The following PITPNC1 variants were observed in gnomAD, a reference collection of about 807,000 sequenced individuals.
The protein encoded by PITPNC1 is phosphatidylinositol transfer protein cytoplasmic 1.
In PITPNC1, 18 loss-of-function variants were observed where a neutral mutation model predicts 44.7. The ratio of observed to expected loss-of-function variants is 0.40; its 90% CI spans 0.28 to 0.60. The LOEUF (loss-of-function observed/expected upper bound fraction) is 0.60. Among genes scored for constraint, PITPNC1 ranks in the 20% least tolerant of loss-of-function variants. The pLI, the probability that PITPNC1 is intolerant of heterozygous loss-of-function variation, is 0.39. For synonymous variants in PITPNC1, 141 were observed against 149.6 expected (o/e 0.94, Z 0.42); for missense variants, 290 against 418.4 (o/e 0.69, Z 2.68).
chr17:67,526,656 TG>T (rs1450878839), intron 1 of PITPNC1, among the ~76,000 whole-genome samples: 4 of 150,234 alleles, frequency 2.7e-5, no homozygotes, highest in Non-Finnish European at 5.9e-5. Flanking sequence ...TCCTTGAACC[TG>T]GGGGGCAGAG....
At chr17:67,551,059 TCAAAA>T (rs955244220) in intron 2 of PITPNC1, among the ~76,000 whole-genome samples, 23 of 152,034 alleles carry the variant, frequency 1.5e-4, no homozygotes, top group East Asian at 1.9e-4. Context: ...AGACTCCGTG[TCAAAA>T]CAAAACAAAA....
At chr17:67,543,470 T>A (rs1352276686) in intron 2 of PITPNC1, among the ~76,000 whole-genome samples, 1 of 152,214 alleles carries the variant, frequency 6.6e-6, no homozygotes, top group African/African-American at 2.4e-5. Context: ...ACATAATCAC[T>A]GACGCTTGCT....
chr17:67,693,934 T>C lies in PITPNC1; in HGVS notation c.*1046T>C, dbSNP rs2042970555. On this transcript the variant is annotated 3_prime_UTR_variant, in exon 9 of 9. Transcript: ENST00000581322. ...CCTACCACCAGACCTTAGAAAAGAC[T>C]GTCATTCTCTTGCTCCTTACTTGAA... The C allele has an allele frequency of 6.6e-6, 1 of 152,190 alleles. No individual in the cohort carries two copies. Among genetic ancestry groups the C allele is most frequent in the Non-Finnish European group, 1.5e-5 (1 of 68,008 alleles). 9.4% of individuals were successfully genotyped at this position (152,190 alleles called of 1,614,324 possible). A position where few individuals can be genotyped will look rare whatever the true frequency, so the allele number is the denominator to read the frequency against.
intron 1 of PITPNC1, among the ~76,000 whole-genome samples, chr17:67,530,017 C>T (rs2040439881): frequency 6.6e-6 from 1 of 151,024 alleles, no homozygotes; most frequent in Non-Finnish European, 1.5e-5. Context: ...ATCAAAGTGT[C>T]AGCAGGCTTG....
intron 1 of PITPNC1, among the ~76,000 whole-genome samples, chr17:67,429,751 C>A (rs1046909092): frequency 6.6e-6 from 1 of 150,574 alleles, no homozygotes; most frequent in Admixed American, 6.6e-5. Flanking sequence ...TTCTTTTATT[C>A]ATTTGTCATT....
At chr17:67,456,885 C>T (rs2039261130) in intron 1 of PITPNC1, 1 of 152,200 alleles carries the variant, frequency 6.6e-6, no homozygotes. Context: ...TCTTTGTCCT[C>T]ATCTTTCAAT....
intron 5 of PITPNC1, among the ~76,000 whole-genome samples, chr17:67,581,072 C>T (rs138368143): frequency 2.0e-5 from 3 of 152,280 alleles, no homozygotes; most frequent in Non-Finnish European, 2.9e-5. Context: ...AGAGGGGACA[C>T]GTGGCCTCAC....
At position 67,633,676 on chromosome 17, in the gene PITPNC1, C is replaced by T. The variant is rs553528086; in HGVS notation, c.462+1438C>T. On this transcript the variant is annotated intron_variant, in intron 6 of 8. Transcript: ENST00000581322. ...CCGAAGAGGGAAATAAACAGGGCCA[C>T]TGACCTTCCCCTTGTCTCACTCCAC... 3.3e-5 allele frequency among the ~76,000 whole-genome samples: 5 copies of T among 152,400 alleles called. No homozygotes were observed. In the East Asian group the frequency reaches 7.7e-4, roughly 23 times the overall value.
chr17:67,621,268 C>T (rs1418099954), intron 5 of PITPNC1, among the ~76,000 whole-genome samples: 1 of 147,604 alleles, frequency 6.8e-6, no homozygotes, highest in East Asian at 2.0e-4. Flanking sequence ...AGTGCAATGG[C>T]GCGATCTCAG....
chr17:67,594,576 G>A (rs543465457), intron 5 of PITPNC1, among the ~76,000 whole-genome samples: 70 of 152,326 alleles, frequency 4.6e-4, no homozygotes, highest in African/African-American at 1.7e-3. Context: ...CTGCTTGGAG[G>A]TTGGGGATTC....
intron 1 of PITPNC1, among the ~76,000 whole-genome samples, chr17:67,495,499 C>T (rs1270658187): frequency 6.6e-6 from 1 of 152,102 alleles, no homozygotes; most frequent in Non-Finnish European, 1.5e-5. Context: ...GCCTAGTAGC[C>T]AGTAGATACG....
At chr17:67,640,954 C>T (rs541515231) in intron 6 of PITPNC1, among the ~76,000 whole-genome samples, 1 of 152,126 alleles carries the variant, frequency 6.6e-6, no homozygotes, top group Non-Finnish European at 1.5e-5. Flanking sequence ...CACACCATTG[C>T]AGTCCAGGCT....
At chr17:67,473,811 T>C (rs2039586178) in intron 1 of PITPNC1, among the ~76,000 whole-genome samples, 3 of 152,164 alleles carry the variant, frequency 2.0e-5, no homozygotes. Flanking sequence ...AGTTTGCCCA[T>C]GAACTTAACA....
intron 1 of PITPNC1, among the ~76,000 whole-genome samples, chr17:67,399,515 C>T (rs1461342117): frequency 1.3e-5 from 2 of 152,052 alleles, no homozygotes; most frequent in East Asian, 1.9e-4. Flanking sequence ...ATTTTGAACT[C>T]GAATAAGAAA....
In PITPNC1 at chr17:67,597,807, G is replaced by A. The variant is rs2041479406; in HGVS notation, c.366+19550G>A. On this transcript the variant is annotated intron_variant, in intron 5 of 8. Coordinates refer to ENST00000581322, the MANE Select transcript of PITPNC1 (RefSeq NM_012417.4). The surrounding 1 kb of genome is among the most constrained non-coding windows in gnomAD (Gnocchi z 4.0). Reference sequence around the variant, plus strand: ...CTCTATGGAGAACACATGCTAGAGGGTGAGAATGGGTAGACAGGCAAGATC... The same window carrying A: ...CTCTATGGAGAACACATGCTAGAGGATGAGAATGGGTAGACAGGCAAGATC... 6.6e-6 allele frequency among the ~76,000 whole-genome samples: 1 copy of A among 152,180 alleles called. No individual in the cohort carries two copies. The highest frequency in any genetic ancestry group is 1.5e-5 in the Non-Finnish European group (1 of 68,038).
intron 1 of PITPNC1, chr17:67,408,920 A>G (rs2038447120): frequency 6.6e-6 from 1 of 152,090 alleles, no homozygotes; most frequent in Admixed American, 6.6e-5. Flanking sequence ...TTGGTTTAAC[A>G]TCTAAGAAAA....
chr17:67,686,933 A>T (rs375154205), intron 8 of PITPNC1: 13 of 623,644 alleles, frequency 2.1e-5, no homozygotes, highest in South Asian at 2.0e-4. Context: ...TGACTTACTC[A>T]TCATAAAGTT....
At chr17:67,483,918 C>CTTTTT (rs60856668) in intron 1 of PITPNC1, among the ~76,000 whole-genome samples, 1 of 111,746 alleles carries the variant, frequency 8.9e-6, no homozygotes, top group Non-Finnish European at 2.0e-5. Context: ...CGTTTTCTTT[C>CTTTTT]TTTTTTTTTT....
intron 1 of PITPNC1, among the ~76,000 whole-genome samples, chr17:67,389,038 C>T (rs1293307250): frequency 6.6e-6 from 1 of 152,232 alleles, no homozygotes; most frequent in Non-Finnish European, 1.5e-5. Flanking sequence ...CTCAGGGTCT[C>T]ATAAAGCTGA....
Sources: allele counts gnomAD v4.1 joint callset (sites outside exome capture counted in the v4.1 genomes callset), GRCh38; gene constraint gnomAD v4.1.1; non-coding constraint Gnocchi (gnomAD v3.1); transcripts MANE v1.5; gene names NCBI Gene and HGNC (gene_info 2026-07-23, HGNC 2026-07-21).